Variants in ACOX3 observed in about 807,000 individuals in gnomAD.
The protein encoded by ACOX3 is acyl-CoA oxidase 3, pristanoyl.
Under a neutral mutation model 81.5 loss-of-function variants are expected in ACOX3, and 73 were observed. That is an observed-to-expected ratio of 0.90 (90% confidence interval 0.74 to 1.09). The LOEUF (loss-of-function observed/expected upper bound fraction) is 1.09, where lower values mean the gene tolerates loss of function less well. Among genes scored for constraint, ACOX3 ranks in the 50% least tolerant of loss-of-function variants. The pLI is 0.00. For missense variants in ACOX3, 947 were observed against 928.0 expected (o/e 1.02, Z -0.27); for synonymous variants, 387 against 375.1 (o/e 1.03, Z -0.37).
intron 10 of ACOX3, among the ~76,000 whole-genome samples, chr4:8,393,844 C>T (rs1308551621): frequency 2.0e-5 from 3 of 152,176 alleles, no homozygotes; most frequent in East Asian, 1.9e-4. Context: ...CACTGACTCA[C>T]GCTCCAGGGA....
At chr4:8,358,180 CT>C in the ACOX3 span, 1 of 152,198 alleles carries the variant, frequency 6.6e-6, no homozygotes, top group African/African-American at 2.4e-5. Context: ...TGAAATGGCC[CT>C]TGCAAAGCTG....
Position 8,373,549 on chromosome 4 carries a change from C to T in ACOX3, c.1896+12G>A, listed in dbSNP as rs768709064. ...CATGGATGTAGAGAACGCGACAGCA[C>T]CCACGGCTCACCTGGGAACACAAAG... is the stretch of plus-strand genomic sequence containing the variant. On this transcript the variant is annotated intron_variant, in intron 16 of 17. Coordinates refer to ENST00000356406, the MANE Select transcript of ACOX3 (RefSeq NM_003501.3). 25 of 1,613,406 alleles carry T rather than the reference C, an allele frequency of 1.5e-5. No individual in the cohort carries two copies. The highest frequency in any genetic ancestry group is 1.6e-4 in the Middle Eastern group (1 of 6,080).
rs1723946576 is a variant in ACOX3 at position 8,431,424 on chromosome 4, A to G, written c.-15+9224T>C. Among the ~76,000 whole-genome samples, 1 of 152,152 alleles carries G rather than the reference A, an allele frequency of 6.6e-6. No homozygotes were observed. Among genetic ancestry groups the G allele is most frequent in the South Asian group, 2.1e-4 (1 of 4,826 alleles). On this transcript the variant is annotated intron_variant, in intron 1 of 17. Transcript: ENST00000356406. This position sits in a 1 kb window ranked among gnomAD's most constrained non-coding sequence, Gnocchi z 5.3. ...CCACCGTGCTCCCCTCCTGGGCCTG[A>G]GGACACTGCTGACCTGCATCTGACA...
intron 16 of ACOX3, 38 bp from the exon 17 acceptor site, chr4:8,371,032 G>T: frequency 6.3e-7 from 1 of 1,596,744 alleles, no homozygotes; most frequent in East Asian, 2.2e-5. Flanking sequence ...GGCACCTCCC[G>T]GGAATTTCCA....
At position 8,381,616 on chromosome 4, in the gene ACOX3, T is replaced by G; in HGVS notation, c.1538-9A>C. The G allele has an allele frequency of 6.3e-7, 1 of 1,598,034 alleles. No homozygotes were observed. Among genetic ancestry groups the G allele is most frequent in the Non-Finnish European group, 8.6e-7 (1 of 1,166,444 alleles). ...GTATGCTGCCAGGGCGACTTCGGAA[T>G]GACAAACAGAAGGAGAAAAAGTAAC... On this transcript the variant is annotated splice_polypyrimidine_tract_variant and intron_variant, in intron 13 of 17. Transcript: ENST00000356406. This position sits in a 1 kb window ranked among gnomAD's most constrained non-coding sequence, Gnocchi z 4.3.
chr4:8,381,750 T>C lies in ACOX3; in HGVS notation c.1538-143A>G, dbSNP rs1578876705. 1 of 642,286 alleles carries C rather than the reference T, an allele frequency of 1.6e-6. No homozygotes were observed. Among genetic ancestry groups the C allele is most frequent in the East Asian group, 2.8e-5 (1 of 35,890 alleles). The allele number at this position is 642,286 out of a possible 1,614,324, so 39.8% of individuals were successfully genotyped here. On this transcript the variant is annotated intron_variant, in intron 13 of 17. Transcript: ENST00000356406. This position sits in a 1 kb window ranked among gnomAD's most constrained non-coding sequence, Gnocchi z 4.3. ...GACAACCAAGTGTATGGGGTGGGTC[T>C]GATTTTATAGGTAGGGAAACTGAAG...
chr4:8,389,545 G>A lies in ACOX3; in HGVS notation c.1423+67C>T. On this transcript the variant is annotated intron_variant, in intron 12 of 17. Coordinates refer to ENST00000356406, the MANE Select transcript of ACOX3 (RefSeq NM_003501.3). The surrounding 1 kb of genome is among the most constrained non-coding windows in gnomAD (Gnocchi z 5.3). ...TTCACAGAACAGCTGAATCAGTGAGGCCAGGAGAACCCACCCCTGCCCCAG... is the reference window on the plus strand; with the variant it reads ...TTCACAGAACAGCTGAATCAGTGAGACCAGGAGAACCCACCCCTGCCCCAG... The A allele has an allele frequency of 6.2e-7, 1 of 1,606,774 alleles. No individual in the cohort carries two copies. The highest frequency in any genetic ancestry group is 8.5e-7 in the Non-Finnish European group (1 of 1,177,110).
chr4:8,373,913 A>G, intron 15 of ACOX3: 1 of 506,180 alleles, frequency 2.0e-6, no homozygotes, highest in Non-Finnish European at 3.6e-6. Context: ...CGCTGGGCTC[A>G]TACCTGCTGG....
In ACOX3 at chr4:8,416,022, A is replaced by C. The variant is rs534642982; in HGVS notation, c.145-23T>G. On this transcript the variant is annotated intron_variant, in intron 2 of 17. Coordinates refer to ENST00000356406, the MANE Select transcript of ACOX3 (RefSeq NM_003501.3). The surrounding 1 kb of genome is among the most constrained non-coding windows in gnomAD (Gnocchi z 4.2). ...TTTCTGGAAATGCAGGAGATGGGTAAGGCTTATTTGGAGTAAAAGATGGAC... is the reference window on the plus strand; with the variant it reads ...TTTCTGGAAATGCAGGAGATGGGTACGGCTTATTTGGAGTAAAAGATGGAC... The C allele has an allele frequency of 1.0e-4, 165 of 1,606,484 alleles. No homozygotes were observed. Among genetic ancestry groups the C allele is most frequent in the Admixed American group, 1.0e-3 (61 of 59,988 alleles).
chr4:8,412,571 A>G (rs1171982755), intron 5 of ACOX3, among the ~76,000 whole-genome samples: 1 of 152,176 alleles, frequency 6.6e-6, no homozygotes, highest in Non-Finnish European at 1.5e-5. Context: ...TGGATGGATG[A>G]AAGAATGATG....
rs936472841 is a variant in ACOX3, at chr4:8,378,004, C to T, written c.1654-2852G>A. 1.1e-4 allele frequency among the ~76,000 whole-genome samples: 16 copies of T among 152,306 alleles called. No homozygotes were observed. In the East Asian group the frequency reaches 2.9e-3, roughly 28 times the overall value. Reference sequence around the variant, plus strand: ...TCTAGGGGGATCTTCTGGACCACCTCAGCTGCCCCTCCAGAGCTGCCAAAC... The same window carrying T: ...TCTAGGGGGATCTTCTGGACCACCTTAGCTGCCCCTCCAGAGCTGCCAAAC... On this transcript the variant is annotated intron_variant, in intron 14 of 17. Transcript: ENST00000356406.
At chr4:8,362,184 G>A (rs886315186), downstream of ACOX3, among the ~76,000 whole-genome samples, 10 of 152,162 alleles carry the variant, frequency 6.6e-5, no homozygotes, top group African/African-American at 2.4e-4. Context: ...TATTAGAATG[G>A]AGGAAAAACT....
intron 1 of ACOX3, among the ~76,000 whole-genome samples, chr4:8,436,782 G>C (rs1724260988): frequency 2.0e-5 from 3 of 150,736 alleles, no homozygotes; most frequent in African/African-American, 7.3e-5. Context: ...AGGAGATCGA[G>C]ACCATCCTGG....
rs563958513 is a variant in ACOX3 at position 8,432,359 on chromosome 4, G to A, written c.-15+8289C>T. Among the ~76,000 whole-genome samples, 4 of 151,598 alleles carry A rather than the reference G, an allele frequency of 2.6e-5. No homozygotes were observed. The highest frequency in any genetic ancestry group is 4.2e-4 in the South Asian group (2 of 4,806). ...AGCCATTCTCCTGCCTTAGCCTCCC[G>A]AGTAGCTGGGACTACAGGCGCCCAC... On this transcript the variant is annotated intron_variant, in intron 1 of 17. Coordinates refer to ENST00000356406, the MANE Select transcript of ACOX3 (RefSeq NM_003501.3). The surrounding 1 kb of genome is among the most constrained non-coding windows in gnomAD (Gnocchi z 6.2).
In ACOX3 at chr4:8,423,778, G is replaced by C. The variant is rs60736270; in HGVS notation, c.-14-7243C>G. Among the ~76,000 whole-genome samples the C allele has an allele frequency of 6.1e-3, 930 of 152,286 alleles. 7 individuals carry two copies. Among genetic ancestry groups the C allele is most frequent in the African/African-American group, 0.021 (890 of 41,562 alleles). On this transcript the variant is annotated intron_variant, in intron 1 of 17. Coordinates refer to ENST00000356406, the MANE Select transcript of ACOX3 (RefSeq NM_003501.3). The surrounding 1 kb of genome is among the most constrained non-coding windows in gnomAD (Gnocchi z 4.2). The stretch of plus-strand genomic sequence containing the variant: ...ACATCCTGACTCTCAATTCTTGCTT[G>C]CCTTTGAAGATCCTTTGAATCTAAT...
chr4:8,373,987 G>C (rs984717230), intron 15 of ACOX3: 1 of 306,002 alleles, frequency 3.3e-6, no homozygotes, highest in African/African-American at 2.2e-5. Context: ...CCTGGGCAGA[G>C]TGAAGCAGGG....
In ACOX3 at chr4:8,383,575, C is replaced by T. The variant is rs775202019; in HGVS notation, c.1538-1968G>A. On this transcript the variant is annotated intron_variant, in intron 13 of 17. Transcript: ENST00000356406. ...CTGGGCGGGAAAAGCCCCCCCACCA[C>T]GAGAGGGAGGCGGGTAGCCCTGCCC... Among the ~76,000 whole-genome samples, 71 of 152,322 alleles carry T rather than the reference C, an allele frequency of 4.7e-4. No homozygotes were observed. In the Middle Eastern group the frequency reaches 0.014, roughly 29 times the overall value.
rs989587736 is a variant in ACOX3 at position 8,366,387 on chromosome 4, G to C, written c.*574C>G. The C allele has an allele frequency of 6.6e-6, 1 of 152,248 alleles. No individual in the cohort carries two copies. The highest frequency in any genetic ancestry group is 1.5e-5 in the Non-Finnish European group (1 of 68,110). 9.4% of individuals were successfully genotyped at this position (152,248 alleles called of 1,614,324 possible). On this transcript the variant is annotated 3_prime_UTR_variant, in exon 18 of 18. Transcript: ENST00000356406. ...AGACTTTTTAAAAAAACATTTCCTC[G>C]ATGGAAATTTCCAGTTCCACAAAAG...
Position 8,437,586 on chromosome 4 carries a change from C to G in ACOX3, c.-15+3062G>C, listed in dbSNP as rs1724332102. Among the ~76,000 whole-genome samples, 1 of 152,196 alleles carries G rather than the reference C, an allele frequency of 6.6e-6. No individual in the cohort carries two copies. The highest frequency in any genetic ancestry group is 2.4e-5 in the African/African-American group (1 of 41,448). On this transcript the variant is annotated intron_variant, in intron 1 of 17. Coordinates refer to ENST00000356406, the MANE Select transcript of ACOX3 (RefSeq NM_003501.3). This position sits in a 1 kb window ranked among gnomAD's most constrained non-coding sequence, Gnocchi z 5.2. Reference sequence around the variant, plus strand: ...AAAGGCCAATCTGTTAGCAACAGCTCTTATAAAAAGAGAGATTAGCAATGC... The same window carrying G: ...AAAGGCCAATCTGTTAGCAACAGCTGTTATAAAAAGAGAGATTAGCAATGC...
Sources: gnomAD v4.1 joint callset for allele counts (sites outside exome capture counted in the v4.1 genomes callset) on GRCh38, gnomAD v4.1.1 for gene constraint, Gnocchi (gnomAD v3.1) non-coding constraint, MANE v1.5 for transcripts, NCBI Gene and HGNC (gene_info 2026-07-23, HGNC 2026-07-21) for gene names.